The following LAMB1 variants were observed in gnomAD, a reference collection of about 807,000 sequenced individuals.
The protein encoded by LAMB1 is laminin subunit beta-1.
Under a neutral mutation model 222.3 loss-of-function variants are expected in LAMB1, and 121 were observed. The ratio of observed to expected loss-of-function variants is 0.54; its 90% CI spans 0.47 to 0.63. The LOEUF (loss-of-function observed/expected upper bound fraction) is 0.63, where lower values mean the gene tolerates loss of function less well. Ranked by LOEUF, LAMB1 falls within the 30% of genes least tolerant of loss-of-function variation. The pLI is 0.00. For synonymous variants in LAMB1, 794 were observed against 807.2 expected (o/e 0.98, Z 0.28); for missense variants, 2,172 against 2,240.8 (o/e 0.97, Z 0.62).
chr7:107,950,901 A>G (rs1429520757), intron 24 of LAMB1, among the ~76,000 whole-genome samples: 1 of 150,234 alleles, frequency 6.7e-6, no homozygotes, highest in Non-Finnish European at 1.5e-5. Context: ...GTATTTTAAA[A>G]AGCAGCTCTG....
At chr7:107,988,356 C>T (rs2034119335) in intron 5 of LAMB1, among the ~76,000 whole-genome samples, 2 of 152,128 alleles carry the variant, frequency 1.3e-5, no homozygotes, top group Non-Finnish European at 1.5e-5. Context: ...TGGTCTGGCA[C>T]TCAGCTGCAA....
intron 29 of LAMB1, chr7:107,929,959 A>G (rs2032665739): frequency 9.1e-6 from 3 of 331,128 alleles, no homozygotes; most frequent in African/African-American, 6.4e-5. Flanking sequence ...CAGGAACGGC[A>G]GAGTATGTTA....
At chr7:107,988,664 G>A (rs2034126756) in intron 5 of LAMB1, among the ~76,000 whole-genome samples, 1 of 152,126 alleles carries the variant, frequency 6.6e-6, no homozygotes, top group Non-Finnish European at 1.5e-5. Context: ...TGTGGAGATG[G>A]GCTCTTTAAA....
intron 20 of LAMB1, among the ~76,000 whole-genome samples, chr7:107,955,842 C>T (rs1249782096): frequency 6.6e-6 from 1 of 152,218 alleles, no homozygotes; most frequent in African/African-American, 2.4e-5. Context: ...AAGTGATTCT[C>T]CTGCCTCAGC....
chr7:107,931,701 T>C (rs571715140), intron 28 of LAMB1: 1 of 572,758 alleles, frequency 1.7e-6, no homozygotes, highest in Admixed American at 3.6e-5. Flanking sequence ...AACAGTATTC[T>C]GATATAAATA....
chr7:107,962,825 A>G, intron 15 of LAMB1, 80 bp downstream of exon 15: 1 of 1,188,658 alleles, frequency 8.4e-7, no homozygotes, highest in South Asian at 1.4e-5. Flanking sequence ...TCATAACTAT[A>G]TATAATACCC....
At chr7:107,956,117 G>T (rs1000416016) in intron 20 of LAMB1, among the ~76,000 whole-genome samples, 1 of 151,742 alleles carries the variant, frequency 6.6e-6, no homozygotes, top group Non-Finnish European at 1.5e-5. Flanking sequence ...GGCTGGTCTT[G>T]AACTCCTGAT....
rs756861937 is a variant in LAMB1 at position 107,929,430 on chromosome 7, T to C, written c.4727A>G (p.Glu1576Gly). 11 of 1,614,098 alleles carry C rather than the reference T, an allele frequency of 6.8e-6. No individual in the cohort carries two copies. Among genetic ancestry groups the C allele is most frequent in the Non-Finnish European group, 9.3e-6 (11 of 1,179,954 alleles). ...TAGATACCTTGCTCTTTTAGCTTCT[T>C]CTAACAACATCTCAGCTCTGGCAAT... is the stretch of plus-strand genomic sequence containing the variant. ...ADIARAEMLLEEAKRASKSAT... is the reference protein window; with the variant it reads ...ADIARAEMLLGEAKRASKSAT... The change falls in exon 30 of 34, where the codon GAA (glutamate) becomes GGA (glycine). Residue 1576 changes from glutamate (E) to glycine (G), a missense_variant. Transcript: ENST00000222399.
chr7:107,975,201 A>G (rs774949819), intron 11 of LAMB1, 33 bp downstream of exon 11: 227 of 1,594,904 alleles, frequency 1.4e-4, no homozygotes, highest in Non-Finnish European at 1.9e-4. Flanking sequence ...CAAACACAAG[A>G]AAACTCCCAA....
intron 32 of LAMB1, 122 bp downstream of exon 32, chr7:107,926,061 C>T (rs2032556209): frequency 1.4e-6 from 1 of 713,568 alleles, no homozygotes; most frequent in East Asian, 2.5e-5. Flanking sequence ...CAAAACAGGT[C>T]ATTTGATATT....
At chr7:107,965,614 T>G (rs2033618556) in intron 13 of LAMB1, among the ~76,000 whole-genome samples, 1 of 152,182 alleles carries the variant, frequency 6.6e-6, no homozygotes, top group Non-Finnish European at 1.5e-5. Context: ...ATCATAATTT[T>G]GTATACAATA....
At position 107,961,689 on chromosome 7, in the gene LAMB1, A is replaced by G. The variant is rs1384298490; in HGVS notation, c.1858-13T>C. Reference sequence around the variant, plus strand: ...AGTGGTCGGGTAGCTAGAATAAGAAACAAACAATGAAAAGATAGTTAGCCC... The same window carrying G: ...AGTGGTCGGGTAGCTAGAATAAGAAGCAAACAATGAAAAGATAGTTAGCCC... On this transcript the variant is annotated splice_polypyrimidine_tract_variant and intron_variant, in intron 15 of 33. Transcript: ENST00000222399. 2 of 1,609,204 alleles carry G rather than the reference A, an allele frequency of 1.2e-6. No individual in the cohort carries two copies.
At chr7:107,956,095 C>A (rs1044713013) in intron 20 of LAMB1, among the ~76,000 whole-genome samples, 1 of 152,202 alleles carries the variant, frequency 6.6e-6, no homozygotes, top group Non-Finnish European at 1.5e-5. Context: ...CAGGGTTTCA[C>A]CATGTTGGCC....
Position 107,975,063 on chromosome 7 carries a change from C to G in LAMB1, c.1405G>C (p.Gly469Arg). 1 of 1,612,584 alleles carries G rather than the reference C, an allele frequency of 6.2e-7. No individual in the cohort carries two copies. The highest frequency in any genetic ancestry group is 8.5e-7 in the Non-Finnish European group (1 of 1,178,678). Residue 469 changes from glycine (G) to arginine (R), a missense_variant, in exon 12 of 34, where the codon GGG (glycine) becomes CGG (arginine). Gly to Arg is a moderately radical substitution (Grantham distance 125). Coordinates refer to ENST00000222399, the MANE Select transcript of LAMB1 (RefSeq NM_002291.3). ...ACNPLGTIPG[G>R]NPCDSETGHC... ...CCTGTCTCGGAATCACAAGGATTCC[C>G]TCCAGGAATTGTTCCCAGAGGATTG...
At chr7:107,994,995 G>C in intron 4 of LAMB1, 35 bp from the exon 5 acceptor site, 1 of 1,162,636 alleles carries the variant, frequency 8.6e-7, no homozygotes, top group Admixed American at 1.9e-5. Flanking sequence ...AACAATAAAT[G>C]AAACTGTAAA....
chr7:107,955,553 G>T lies in LAMB1; in HGVS notation c.2768C>A (p.Pro923His). 1.2e-6 allele frequency: 2 copies of T among 1,614,066 alleles called. No individual in the cohort carries two copies. The highest frequency in any genetic ancestry group is 2.2e-5 in the South Asian group (2 of 91,068). ...CCTGGCAAACTGGCGTCCACTGTCG[G>T]GACCATCTGGGCAAGGGCAAGGGCG... is the stretch of plus-strand genomic sequence containing the variant. ...HCRPCPCPDG[P>H]DSGRQFARSC... The change falls in exon 21 of 34, where the codon CCC (proline) becomes CAC (histidine). Residue 923 changes from proline to histidine, a missense_variant. By Grantham distance (77) the Pro-to-His change is moderately conservative (BLOSUM62 -2). Transcript: ENST00000222399.
chr7:107,980,864 T>C (rs1172649957), intron 7 of LAMB1, 53 bp from the exon 8 acceptor site: 1 of 1,153,718 alleles, frequency 8.7e-7, no homozygotes, highest in East Asian at 2.4e-5. Context: ...CAAGAAGTTT[T>C]TTTTTTTTTC....
chr7:107,965,471 T>C (rs1002620258), intron 13 of LAMB1, among the ~76,000 whole-genome samples: 1 of 151,976 alleles, frequency 6.6e-6, no homozygotes, highest in African/African-American at 2.4e-5. Flanking sequence ...CCCAGATACT[T>C]GGGAGGCTGA....
At chr7:107,984,842 T>C (rs2034042940) in intron 7 of LAMB1, among the ~76,000 whole-genome samples, 1 of 152,188 alleles carries the variant, frequency 6.6e-6, no homozygotes, top group Non-Finnish European at 1.5e-5. Context: ...GTCACAAATA[T>C]TATATGGGAT....
Sources: gnomAD v4.1 joint callset for allele counts (sites outside exome capture counted in the v4.1 genomes callset) on GRCh38, gnomAD v4.1.1 for gene constraint, MANE v1.5 for transcripts, NCBI Gene and HGNC (gene_info 2026-07-23, HGNC 2026-07-21) for gene names.